The following MAD1L1 variants were observed in gnomAD, a reference collection of about 807,000 sequenced individuals.
MAD1L1 encodes mitotic arrest deficient 1 like 1.
In MAD1L1, 95 loss-of-function variants were observed where a neutral mutation model predicts 96.9. The observed-to-expected ratio is 0.98, with a 90% CI of 0.83 to 1.16. The LOEUF is 1.16. Ranked by LOEUF, MAD1L1 falls within the 50% of genes most tolerant of loss-of-function variation. MAD1L1 has a pLI of 0.00. For synonymous variants in MAD1L1, 473 were observed against 396.6 expected, an observed-to-expected ratio of 1.19 and a Z score of -2.29; for missense variants, 1,007 against 954.4, an observed-to-expected ratio of 1.06 and a Z score of -0.73.
intron 11 of MAD1L1, among the ~76,000 whole-genome samples, chr7:2,128,862 G>A (rs1788367665): frequency 6.6e-6 from 1 of 152,206 alleles, no homozygotes; most frequent in South Asian, 2.1e-4. Context: ...AGCTCACACT[G>A]CAGTCTCTCT....
chr7:2,231,636 A>T (rs551958050), intron 1 of MAD1L1, among the ~76,000 whole-genome samples: 21 of 152,280 alleles, frequency 1.4e-4, no homozygotes. Context: ...TTAAAAAAAA[A>T]ATCTGGCCTC....
intron 18 of MAD1L1, among the ~76,000 whole-genome samples, chr7:1,856,877 C>T (rs1172985442): frequency 6.6e-6 from 1 of 152,172 alleles, no homozygotes; most frequent in Non-Finnish European, 1.5e-5. Context: ...GAGAGGGAGC[C>T]TGGACCTCGC....
At chr7:1,994,677 A>C (rs1781483722) in intron 14 of MAD1L1, among the ~76,000 whole-genome samples, 1 of 152,132 alleles carries the variant, frequency 6.6e-6, no homozygotes, top group Non-Finnish European at 1.5e-5. Flanking sequence ...TAGCACCCTC[A>C]TAAAAGGGAC....
At position 2,082,821 on chromosome 7, in the gene MAD1L1, C is replaced by T. The variant is rs1785721035; in HGVS notation, c.1074-13483G>A. On this transcript the variant is annotated intron_variant, in intron 11 of 18. Coordinates refer to ENST00000265854, the MANE Select transcript of MAD1L1 (RefSeq NM_001013836.2). ...GCACTCGGCCCAGCCTCCGCCCACGCCTGTGCGCCGCACGACCACTCCAGC... is the reference window on the plus strand; with the variant it reads ...GCACTCGGCCCAGCCTCCGCCCACGTCTGTGCGCCGCACGACCACTCCAGC... Among the ~76,000 whole-genome samples the T allele has an allele frequency of 3.9e-5, 6 of 152,354 alleles. No homozygotes were observed. In the South Asian group the frequency reaches 1.2e-3, roughly 32 times the overall value.
chr7:2,134,463 C>G (rs990578301), intron 11 of MAD1L1, among the ~76,000 whole-genome samples: 2 of 152,196 alleles, frequency 1.3e-5, no homozygotes, highest in African/African-American at 4.8e-5. Flanking sequence ...CCTTTATTCC[C>G]TCTTCTTGTC....
intron 10 of MAD1L1, among the ~76,000 whole-genome samples, chr7:2,193,029 T>C (rs1228712369): frequency 1.3e-5 from 2 of 152,146 alleles, no homozygotes. Flanking sequence ...CTCCAAACAG[T>C]GGTTCATGTT....
intron 11 of MAD1L1, among the ~76,000 whole-genome samples, chr7:2,125,858 A>C (rs976112831): frequency 6.6e-6 from 1 of 150,664 alleles, no homozygotes; most frequent in Non-Finnish European, 1.5e-5. Flanking sequence ...AGGAGAACGG[A>C]CTACCTGAAA....
At chr7:1,932,039 G>A (rs1378643825) in intron 17 of MAD1L1, among the ~76,000 whole-genome samples, 3 of 152,202 alleles carry the variant, frequency 2.0e-5, no homozygotes, top group African/African-American at 4.8e-5. Flanking sequence ...GGCAGCCCAC[G>A]CCTGGCACAC....
At chr7:1,848,529 A>G (rs1169762773) in intron 18 of MAD1L1, 1 of 140,262 alleles carries the variant, frequency 7.1e-6, no homozygotes, top group African/African-American at 2.7e-5. Context: ...ATGGGAGAGC[A>G]AGATCTCCTG....
chr7:1,866,045 C>T (rs1035515060), intron 18 of MAD1L1, among the ~76,000 whole-genome samples: 1 of 152,242 alleles, frequency 6.6e-6, no homozygotes, highest in African/African-American at 2.4e-5. Context: ...TGAAGCAAAA[C>T]TCTTGGGATA....
chr7:2,116,787 G>A (rs562240869), intron 11 of MAD1L1, among the ~76,000 whole-genome samples: 1 of 152,338 alleles, frequency 6.6e-6, no homozygotes, highest in African/African-American at 2.4e-5. Context: ...GAGGGCCTTA[G>A]CCAAGGAGGC....
At chr7:2,030,630 G>A (rs1783184251) in intron 12 of MAD1L1, among the ~76,000 whole-genome samples, 1 of 152,172 alleles carries the variant, frequency 6.6e-6, no homozygotes, top group African/African-American at 2.4e-5. Flanking sequence ...TGACGAAAAT[G>A]CCTCCAAAAC....
At chr7:1,929,346 T>C (rs1789293839) in intron 17 of MAD1L1, among the ~76,000 whole-genome samples, 1 of 152,206 alleles carries the variant, frequency 6.6e-6, no homozygotes, top group Non-Finnish European at 1.5e-5. Flanking sequence ...TATTTTAATA[T>C]TAATGCATTC....
At chr7:1,912,191 C>G (rs1241981511) in intron 17 of MAD1L1, among the ~76,000 whole-genome samples, 2 of 152,242 alleles carry the variant, frequency 1.3e-5, no homozygotes. Flanking sequence ...ACCCCAGAAC[C>G]AGCCAGCTCC....
At chr7:1,940,944 A>AG (rs1562545305) in intron 16 of MAD1L1, among the ~76,000 whole-genome samples, 7 of 151,080 alleles carry the variant, frequency 4.6e-5, no homozygotes, top group South Asian at 2.1e-4. Flanking sequence ...CCCAGGCCTC[A>AG]CCCTCCTCTT....
chr7:1,893,828 CCA>C (rs1162958366), intron 18 of MAD1L1, among the ~76,000 whole-genome samples: 2 of 152,204 alleles, frequency 1.3e-5, no homozygotes, highest in African/African-American at 4.8e-5. Context: ...CAAGGTGACT[CCA>C]CAGTGTCTCT....
chr7:2,112,549 C>T (rs1395701693), intron 11 of MAD1L1, among the ~76,000 whole-genome samples: 1 of 152,206 alleles, frequency 6.6e-6, no homozygotes, highest in Non-Finnish European at 1.5e-5. Context: ...CCAGAAAGAC[C>T]CTGTGCGCAC....
chr7:1,957,944 G>A (rs549332025), intron 15 of MAD1L1, among the ~76,000 whole-genome samples: 23 of 152,360 alleles, frequency 1.5e-4, no homozygotes, highest in African/African-American at 5.5e-4. Context: ...CTGCTCAGCT[G>A]GAGGAGCCTG....
rs376052639 is a variant in MAD1L1 at position 1,906,247 on chromosome 7, AGGCT to A, written c.1808-7861_1808-7858del. Among the ~76,000 whole-genome samples, 271 of 152,222 alleles carry A rather than the reference AGGCT, an allele frequency of 1.8e-3. 1 individual carries two copies. Among genetic ancestry groups the A allele is most frequent in the Non-Finnish European group, 2.5e-3 (168 of 68,008 alleles). On this transcript the variant is annotated intron_variant, in intron 17 of 18. Coordinates refer to ENST00000265854, the MANE Select transcript of MAD1L1 (RefSeq NM_001013836.2). ...CCCGAACCCCAAGCAGCCTCTTCCC[AGGCT>A]GGCCTCGGTTGTGTATGCCAACACC...
Sources: allele counts gnomAD v4.1 joint callset (sites outside exome capture counted in the v4.1 genomes callset), GRCh38; gene constraint gnomAD v4.1.1; transcripts MANE v1.5; gene names NCBI Gene and HGNC (gene_info 2026-07-23, HGNC 2026-07-21).